Variants in DENND1A observed in about 807,000 individuals in gnomAD.
DENND1A encodes the protein DENN domain containing 1A.
In DENND1A, 51 loss-of-function variants were observed where a neutral mutation model predicts 113.7. The ratio of observed to expected loss-of-function variants is 0.45; its 90% CI spans 0.36 to 0.57. The LOEUF is 0.57. Ranked by LOEUF, DENND1A falls within the 20% of genes least tolerant of loss-of-function variation. The pLI, the probability that DENND1A is intolerant of heterozygous loss-of-function variation, is 0.00. For missense variants in DENND1A, 1,258 were observed against 1,395.9 expected, an observed-to-expected ratio of 0.90 and a Z score of 1.57; for synonymous variants, 565 against 570.8, an observed-to-expected ratio of 0.99 and a Z score of 0.14.
At chr9:123,575,232 G>C (rs1044792021) in intron 12 of DENND1A, among the ~76,000 whole-genome samples, 1 of 152,142 alleles carries the variant, frequency 6.6e-6, no homozygotes, top group Admixed American at 6.5e-5. Flanking sequence ...TTCTCATAAG[G>C]AGCACACAAC....
intron 13 of DENND1A, among the ~76,000 whole-genome samples, chr9:123,539,646 G>A (rs944461192): frequency 2.6e-5 from 4 of 152,052 alleles, no homozygotes; most frequent in African/African-American, 9.7e-5. Context: ...CACTTTGGGA[G>A]GCCGAGGCAG....
At chr9:123,890,713 A>G (rs1277434619) in intron 1 of DENND1A, among the ~76,000 whole-genome samples, 1 of 152,238 alleles carries the variant, frequency 6.6e-6, no homozygotes, top group Admixed American at 6.5e-5. Context: ...CTGAAATACA[A>G]GTTCAGAAGC....
At chr9:123,884,085 A>C (rs1848684149) in intron 1 of DENND1A, among the ~76,000 whole-genome samples, 1 of 152,130 alleles carries the variant, frequency 6.6e-6, no homozygotes, top group South Asian at 2.1e-4. Flanking sequence ...TTTCTCTGCA[A>C]ATCAAAAATA....
intron 5 of DENND1A, among the ~76,000 whole-genome samples, chr9:123,711,524 T>TATATATATATAC (rs1564998528): frequency 1.4e-5 from 2 of 143,456 alleles, no homozygotes; most frequent in Non-Finnish European, 3.0e-5. Context: ...TATATATATA[T>TATATATATATAC]ATATATATAT....
chr9:123,525,028 C>T (rs547987310), intron 13 of DENND1A, among the ~76,000 whole-genome samples: 1 of 152,308 alleles, frequency 6.6e-6, no homozygotes, highest in South Asian at 2.1e-4. Context: ...GTTCCATAGC[C>T]CTTGGCTCAC....
intron 10 of DENND1A, among the ~76,000 whole-genome samples, chr9:123,614,090 T>C (rs902819457): frequency 1.3e-5 from 2 of 152,200 alleles, no homozygotes; most frequent in African/African-American, 4.8e-5. Context: ...ACACACATAA[T>C]GCTCAAGGGA....
chr9:123,884,544 G>A (rs1314630947), intron 1 of DENND1A, among the ~76,000 whole-genome samples: 1 of 151,480 alleles, frequency 6.6e-6, no homozygotes, highest in East Asian at 1.9e-4. Context: ...CTTCAGTCTT[G>A]TACCCTACAA....
At chr9:123,900,768 G>A (rs999130160) in intron 1 of DENND1A, among the ~76,000 whole-genome samples, 3 of 152,098 alleles carry the variant, frequency 2.0e-5, no homozygotes, top group Admixed American at 1.3e-4. Context: ...ATTATGGAGA[G>A]GATTAAATAA....
intron 2 of DENND1A, among the ~76,000 whole-genome samples, chr9:123,818,024 TA>T (rs1006043868): frequency 3.1e-4 from 46 of 147,302 alleles, no homozygotes; most frequent in African/African-American, 8.7e-4. Flanking sequence ...GAGACTCCGT[TA>T]AAAAAAAAAG....
chr9:123,394,739 A>G (rs2043029776), intron 21 of DENND1A, among the ~76,000 whole-genome samples: 1 of 152,198 alleles, frequency 6.6e-6, no homozygotes, highest in African/African-American at 2.4e-5. Context: ...TGTGGGCTTC[A>G]GGCTCTGCGG....
chr9:123,860,587 C>G (rs1844923552), intron 2 of DENND1A, among the ~76,000 whole-genome samples: 2 of 152,184 alleles, frequency 1.3e-5, no homozygotes, highest in South Asian at 2.1e-4. Context: ...TCTACACAAA[C>G]CTTATTTTCT....
chr9:123,392,310 T>C (rs2042899122), intron 21 of DENND1A, among the ~76,000 whole-genome samples: 1 of 152,022 alleles, frequency 6.6e-6, no homozygotes, highest in Admixed American at 6.6e-5. Context: ...TGCTGACAAA[T>C]GTAGATATTT....
intron 10 of DENND1A, among the ~76,000 whole-genome samples, chr9:123,624,589 A>G (rs776328216): frequency 1.2e-4 from 18 of 152,242 alleles, no homozygotes; most frequent in Non-Finnish European, 2.4e-4. Context: ...CTGCTATTAC[A>G]GAAACAGAAA....
intron 13 of DENND1A, among the ~76,000 whole-genome samples, chr9:123,505,182 T>C (rs2052815777): frequency 6.6e-6 from 1 of 152,230 alleles, no homozygotes; most frequent in African/African-American, 2.4e-5. Flanking sequence ...TATGGACAGA[T>C]CTATGGTGAT....
At chr9:123,649,139 A>G (rs1010009032) in intron 9 of DENND1A, among the ~76,000 whole-genome samples, 2 of 152,148 alleles carry the variant, frequency 1.3e-5, no homozygotes, top group Non-Finnish European at 2.9e-5. Context: ...GTAAAACCCT[A>G]TGGGGGTTTT....
chr9:123,801,842 C>A (rs1834727782), intron 2 of DENND1A, among the ~76,000 whole-genome samples: 1 of 152,186 alleles, frequency 6.6e-6, no homozygotes, highest in African/African-American at 2.4e-5. Flanking sequence ...AATCATTTAA[C>A]TTTCCCACAA....
intron 18 of DENND1A, among the ~76,000 whole-genome samples, chr9:123,448,323 T>TA (rs2047457900): frequency 6.6e-6 from 1 of 152,212 alleles, no homozygotes; most frequent in Non-Finnish European, 1.5e-5. Context: ...AAATGTTACT[T>TA]ATCATAAGAA....
chr9:123,445,649 T>A lies in DENND1A; in HGVS notation c.1356+5044A>T, dbSNP rs541050401. 1.1e-4 allele frequency among the ~76,000 whole-genome samples: 17 copies of A among 152,292 alleles called. No individual in the cohort carries two copies. In the South Asian group the frequency reaches 3.5e-3, roughly 32 times the overall value. On this transcript the variant is annotated intron_variant, in intron 18 of 23. Coordinates refer to ENST00000394215, the MANE Select transcript of DENND1A (RefSeq NM_001352964.2). ...ATGTTGGGAGGCCGAGGCGGGCAGA[T>A]CACCTAAGGTCAGGAGTTCGAGACC...
chr9:123,915,865 T>TA (rs1202638076), intron 1 of DENND1A, among the ~76,000 whole-genome samples: 1 of 151,424 alleles, frequency 6.6e-6, no homozygotes, highest in African/African-American at 2.5e-5. Context: ...TTGTAACTGA[T>TA]AAAAATAATT....
Sources: allele counts gnomAD v4.1 joint callset (sites outside exome capture counted in the v4.1 genomes callset), GRCh38; gene constraint gnomAD v4.1.1; transcripts MANE v1.5; gene names NCBI Gene and HGNC (gene_info 2026-07-23, HGNC 2026-07-21).